The following NEDD4 variants were observed in gnomAD, a reference collection of about 807,000 sequenced individuals.
The protein encoded by NEDD4 is NEDD4 E3 ubiquitin protein ligase, also known as E3 ubiquitin-protein ligase NEDD4.
A neutral mutation model predicts 144.9 loss-of-function variants in NEDD4; 99 were observed. The observed-to-expected ratio is 0.68, with a 90% CI of 0.58 to 0.81. The LOEUF is 0.81. Ranked by LOEUF, NEDD4 falls within the 30% of genes least tolerant of loss-of-function variation. NEDD4 has a pLI of 0.00. For synonymous variants in NEDD4, 318 were observed against 350.6 expected, an observed-to-expected ratio of 0.91 and a Z score of 1.04; for missense variants, 985 against 1,065.9, an observed-to-expected ratio of 0.92 and a Z score of 1.06.
At chr15:55,916,263 C>A in intron 5 of NEDD4, 4 of 1,614,050 alleles carry the variant, frequency 2.5e-6, no homozygotes, top group Non-Finnish European at 3.4e-6. Flanking sequence ...AGTATAACTA[C>A]TACTGTCACT....
chr15:55,945,015 C>T (rs1442056256), intron 4 of NEDD4, among the ~76,000 whole-genome samples: 3 of 151,980 alleles, frequency 2.0e-5, no homozygotes, highest in African/African-American at 2.4e-5. Flanking sequence ...ATGTCACGAA[C>T]GTCAAAGATG....
chr15:55,833,554 G>A (rs35759462), intron 26 of NEDD4, among the ~76,000 whole-genome samples: 10,504 of 152,144 alleles, frequency 0.069, 449 homozygotes, highest in Non-Finnish European at 0.099. Flanking sequence ...CCAGCTACTC[G>A]GGAAGCTGAG....
chr15:55,938,359 A>AAAAAC (rs1248531270), intron 4 of NEDD4, among the ~76,000 whole-genome samples: 3 of 152,112 alleles, frequency 2.0e-5, no homozygotes, highest in Admixed American at 2.0e-4. Flanking sequence ...AAACAAAACA[A>AAAAAC]AAAACAAAAC....
intron 5 of NEDD4, among the ~76,000 whole-genome samples, chr15:55,897,120 C>T (rs1238959721): frequency 6.6e-6 from 1 of 152,072 alleles, no homozygotes; most frequent in Non-Finnish European, 1.5e-5. Flanking sequence ...ACTATAGGTG[C>T]CCGCCACCAT....
intron 4 of NEDD4, among the ~76,000 whole-genome samples, chr15:55,937,201 A>T (rs2036910443): frequency 6.6e-6 from 1 of 152,198 alleles, no homozygotes; most frequent in Non-Finnish European, 1.5e-5. Flanking sequence ...CAAAGATATA[A>T]AACTGCCTTC....
In NEDD4 at chr15:55,885,688, C is replaced by A. The variant is rs186972522; in HGVS notation, c.292-11680G>T. On this transcript the variant is annotated intron_variant, in intron 5 of 28. Coordinates refer to ENST00000435532, the MANE Select transcript of NEDD4 (RefSeq NM_006154.4). ...TGGTAACCTTAAATAAAAAGACATA[C>A]AAAAGATACACAAAAAATTAAAAGA... is the stretch of plus-strand genomic sequence containing the variant. Among the ~76,000 whole-genome samples, 20 of 151,910 alleles carry A rather than the reference C, an allele frequency of 1.3e-4. No individual in the cohort carries two copies. The East Asian group carries it at 3.3e-3, about 25-fold the overall frequency.
chr15:55,958,086 T>G (rs1205542891), intron 2 of NEDD4, among the ~76,000 whole-genome samples: 1 of 152,124 alleles, frequency 6.6e-6, no homozygotes, highest in African/African-American at 2.4e-5. Flanking sequence ...ACCTGCACAT[T>G]GTGCACATGT....
chr15:55,852,860 G>A (rs1326649043), intron 12 of NEDD4, among the ~76,000 whole-genome samples: 1 of 151,700 alleles, frequency 6.6e-6, no homozygotes, highest in African/African-American at 2.4e-5. Context: ...AGCTATTCTT[G>A]TGCCTCAGCC....
intron 4 of NEDD4, 99 bp from the exon 5 acceptor site, chr15:55,924,798 T>G (rs536178503): frequency 1.0e-4 from 119 of 1,191,954 alleles, no homozygotes; most frequent in Non-Finnish European, 1.4e-4. Context: ...TCGGGCATGG[T>G]GGCTCATGCC....
chr15:55,957,442 T>A (rs1266801801), intron 2 of NEDD4, among the ~76,000 whole-genome samples: 1 of 152,224 alleles, frequency 6.6e-6, no homozygotes, highest in Admixed American at 6.5e-5. Context: ...TAGATACCCC[T>A]GATGAGGTTT....
chr15:55,979,536 G>A (rs551595228), intron 1 of NEDD4, among the ~76,000 whole-genome samples: 1 of 150,582 alleles, frequency 6.6e-6, no homozygotes, highest in South Asian at 2.1e-4. Flanking sequence ...TGTATTTTTA[G>A]TAGAGACGGG....
At chr15:55,886,333 C>T (rs1313116650) in intron 5 of NEDD4, among the ~76,000 whole-genome samples, 1 of 152,222 alleles carries the variant, frequency 6.6e-6, no homozygotes, top group Admixed American at 6.5e-5. Context: ...TTAATCTGCA[C>T]TACAGACCAA....
At chr15:55,876,302 T>C (rs1169086800) in intron 5 of NEDD4, among the ~76,000 whole-genome samples, 3 of 151,536 alleles carry the variant, frequency 2.0e-5, no homozygotes, top group African/African-American at 7.3e-5. Flanking sequence ...GAAATTCAGA[T>C]CTAAAGAGAG....
At chr15:55,934,994 A>G (rs2036858438) in intron 4 of NEDD4, among the ~76,000 whole-genome samples, 1 of 143,506 alleles carries the variant, frequency 7.0e-6, no homozygotes, top group East Asian at 2.2e-4. Context: ...TCAGCCTCCC[A>G]AGTAGCTGTA....
Position 55,852,300 on chromosome 15 carries a change from A to C in NEDD4, c.1146+124T>G, listed in dbSNP as rs771549185. The stretch of plus-strand genomic sequence containing the variant: ...ACAATACTGAGACTCCATCTCAAAA[A>C]AATAAAAAAAAAAAAGAAGGTGGTA... On this transcript the variant is annotated intron_variant, in intron 13 of 28. Transcript: ENST00000435532. The C allele has an allele frequency of 7.5e-6, 9 of 1,192,380 alleles. No individual in the cohort carries two copies. The Admixed American group carries it at 8.4e-5, about 11-fold the overall frequency. 73.9% of individuals were successfully genotyped at this position (1,192,380 alleles called of 1,614,324 possible).
chr15:55,945,721 C>A (rs796633385), intron 4 of NEDD4, among the ~76,000 whole-genome samples: 54 of 151,930 alleles, frequency 3.6e-4, no homozygotes, highest in African/African-American at 1.1e-3. Context: ...GATTCACCAA[C>A]GTTGAAATGA....
chr15:55,863,681 C>T (rs1336631150), intron 8 of NEDD4, among the ~76,000 whole-genome samples: 1 of 152,162 alleles, frequency 6.6e-6, no homozygotes, highest in Non-Finnish European at 1.5e-5. Context: ...ATAGTTTAAA[C>T]TACTAGTGTA....
At chr15:55,989,205 C>T (rs1299424468) in intron 1 of NEDD4, among the ~76,000 whole-genome samples, 2 of 152,134 alleles carry the variant, frequency 1.3e-5, no homozygotes, top group East Asian at 1.9e-4. Context: ...CATTGCACTC[C>T]AGCCTGTGTG....
intron 4 of NEDD4, among the ~76,000 whole-genome samples, chr15:55,929,452 C>A (rs907899057): frequency 6.6e-6 from 1 of 151,578 alleles, no homozygotes; most frequent in Non-Finnish European, 1.5e-5. Context: ...AGCATAGTAC[C>A]CAACAGGCAG....
Sources: gnomAD v4.1 joint callset for allele counts (sites outside exome capture counted in the v4.1 genomes callset) on GRCh38, gnomAD v4.1.1 for gene constraint, MANE v1.5 for transcripts, NCBI Gene and HGNC (gene_info 2026-07-23, HGNC 2026-07-21) for gene names.